The following PLA2G4A variants were observed in gnomAD, a reference collection of about 807,000 sequenced individuals.
PLA2G4A encodes phospholipase A2 group IVA, also known as cytosolic phospholipase A2.
Under a neutral mutation model 81.9 loss-of-function variants are expected in PLA2G4A, and 40 were observed. The ratio of observed to expected loss-of-function variants is 0.49; its 90% CI spans 0.38 to 0.64. PLA2G4A has a LOEUF of 0.64. Among genes scored for constraint, PLA2G4A ranks in the 30% least tolerant of loss-of-function variants. PLA2G4A has a pLI of 0.00. For synonymous variants in PLA2G4A, 302 were observed against 296.9 expected, an observed-to-expected ratio of 1.02 and a Z score of -0.18; for missense variants, 715 against 905.1, an observed-to-expected ratio of 0.79 and a Z score of 2.69.
chr1:186,961,867 G>A (rs1309232743), intron 14 of PLA2G4A, among the ~76,000 whole-genome samples: 1 of 151,992 alleles, frequency 6.6e-6, no homozygotes, highest in African/African-American at 2.4e-5. Flanking sequence ...AGTTTCCTCA[G>A]TTTTAGTTAC....
intron 1 of PLA2G4A, among the ~76,000 whole-genome samples, chr1:186,841,554 T>C (rs1056196150): frequency 6.6e-6 from 1 of 152,192 alleles, no homozygotes; most frequent in Non-Finnish European, 1.5e-5. Context: ...GGTTTATTTA[T>C]ATCTTAAAGC....
Position 186,909,660 on chromosome 1 carries a change from CAAAA to C in PLA2G4A, c.417-1570_417-1567del, listed in dbSNP as rs377504921. On this transcript the variant is annotated intron_variant, in intron 6 of 17. Transcript: ENST00000367466. ...GGGCAACAGGAGCGAAACTCCGTCTCAAAAAAAAAAAAAAAAAAAAAGTTAACTC... is the reference window on the plus strand; with the variant it reads ...GGGCAACAGGAGCGAAACTCCGTCTCAAAAAAAAAAAAAAAAAGTTAACTC... 3.8e-3 allele frequency among the ~76,000 whole-genome samples: 432 copies of C among 112,978 alleles called. 18 individuals are homozygous for C. The South Asian group carries it at 0.078, about 20-fold the overall frequency. The allele number at this position is 112,978 out of a possible 152,430, so 74.1% of individuals were successfully genotyped here.
rs543825391 is a variant in PLA2G4A at position 186,847,043 on chromosome 1, A to G, written c.-69-7243A>G. Among the ~76,000 whole-genome samples the G allele has an allele frequency of 3.3e-5, 5 of 152,132 alleles. No individual in the cohort carries two copies. In the South Asian group the frequency reaches 8.3e-4, roughly 25 times the overall value. ...TATAATTTATTGCTATGTAAATGCT[A>G]TATCTTTTAAAGAATTTGAGAGAAG... On this transcript the variant is annotated intron_variant, in intron 1 of 17. Transcript: ENST00000367466.
At chr1:186,891,816 G>C (rs1472070809) in intron 3 of PLA2G4A, among the ~76,000 whole-genome samples, 1 of 152,116 alleles carries the variant, frequency 6.6e-6, no homozygotes, top group Non-Finnish European at 1.5e-5. Flanking sequence ...TATATACTCA[G>C]CAGTGGGATT....
intron 1 of PLA2G4A, among the ~76,000 whole-genome samples, chr1:186,841,251 G>T (rs1294689983): frequency 6.6e-6 from 1 of 152,120 alleles, no homozygotes. Context: ...GATTCTTTTT[G>T]AGCTTTATTG....
At chr1:186,935,316 G>A (rs866157077) in intron 8 of PLA2G4A, among the ~76,000 whole-genome samples, 2 of 151,500 alleles carry the variant, frequency 1.3e-5, no homozygotes, top group East Asian at 3.9e-4. Context: ...CCTCATAAAA[G>A]CCATCTATTA....
At chr1:186,916,081 A>C (rs1352684759) in intron 7 of PLA2G4A, among the ~76,000 whole-genome samples, 1 of 152,148 alleles carries the variant, frequency 6.6e-6, no homozygotes, top group African/African-American at 2.4e-5. Flanking sequence ...TTGCAAAAAC[A>C]AATTTCTTGT....
At chr1:186,896,829 C>T (rs1417018561) in intron 5 of PLA2G4A, among the ~76,000 whole-genome samples, 6 of 152,056 alleles carry the variant, frequency 3.9e-5, no homozygotes, top group Non-Finnish European at 8.8e-5. Flanking sequence ...GAATGATAAT[C>T]CTTTGAGCTG....
At chr1:186,915,944 A>G (rs1475153391) in intron 7 of PLA2G4A, among the ~76,000 whole-genome samples, 3 of 152,108 alleles carry the variant, frequency 2.0e-5, no homozygotes, top group Non-Finnish European at 4.4e-5. Context: ...TGAGCCAGGA[A>G]TTCATCAGGA....
Position 186,956,274 on chromosome 1 carries a change from A to G in PLA2G4A, c.1509A>G (p.Pro503=), listed in dbSNP as rs141615748. 356 of 1,613,608 alleles carry G rather than the reference A, an allele frequency of 2.2e-4. No homozygotes were observed. The highest frequency in any genetic ancestry group is 7.2e-4 in the Admixed American group (43 of 60,008). ...MLGLNLNTSY[P]LSPLSDFATQ... Reference sequence around the variant, plus strand: ...GCTTGAATCTCAATACATCTTATCCACTGTCTCCTTTGAGTGACTTTGCCA... The same window carrying G: ...GCTTGAATCTCAATACATCTTATCCGCTGTCTCCTTTGAGTGACTTTGCCA... The change falls in exon 14 of 18, where the codon CCA becomes CCG. Residue 503 remains proline (P), a synonymous_variant. Transcript: ENST00000367466.
At chr1:186,876,206 GT>G (rs1441454388) in intron 3 of PLA2G4A, among the ~76,000 whole-genome samples, 1 of 152,048 alleles carries the variant, frequency 6.6e-6, no homozygotes, top group Non-Finnish European at 1.5e-5. Flanking sequence ...AACTATGAAA[GT>G]TTTTTTAACG....
intron 15 of PLA2G4A, among the ~76,000 whole-genome samples, chr1:186,976,592 C>T (rs1299754262): frequency 6.6e-6 from 1 of 152,150 alleles, no homozygotes; most frequent in African/African-American, 2.4e-5. Flanking sequence ...ATGTCCAAGG[C>T]CATGGAGCTT....
intron 5 of PLA2G4A, among the ~76,000 whole-genome samples, chr1:186,903,044 G>A (rs1389380984): frequency 6.6e-6 from 1 of 152,100 alleles, no homozygotes; most frequent in Non-Finnish European, 1.5e-5. Context: ...TCCACATCCT[G>A]TTCCTTCCTT....
rs758656530 is a variant in PLA2G4A, at chr1:186,884,256, CT to C, written c.116-8739del. ...TGAAGGACTACATCTAATCCTCCCC[CT>C]TTTTTTTTTTTTTTTAGTGAAGTGT... On this transcript the variant is annotated intron_variant, in intron 3 of 17. Coordinates refer to ENST00000367466, the MANE Select transcript of PLA2G4A (RefSeq NM_024420.3). 3.5e-3 allele frequency among the ~76,000 whole-genome samples: 476 copies of C among 136,270 alleles called. 1 individual carries two copies. Among genetic ancestry groups the C allele is most frequent in the Non-Finnish European group, 4.1e-3 (259 of 62,642 alleles). 89.4% of individuals were successfully genotyped at this position (136,270 alleles called of 152,430 possible).
intron 16 of PLA2G4A, 145 bp from the exon 17 acceptor site, chr1:186,979,170 C>A (rs185055861): frequency 1.5e-6 from 1 of 689,310 alleles, no homozygotes; most frequent in Non-Finnish European, 2.6e-6. Context: ...CACACAGACA[C>A]GATAAAAGTC....
intron 2 of PLA2G4A, 143 bp downstream of exon 2, chr1:186,854,530 G>A: frequency 1.6e-6 from 1 of 612,616 alleles, no homozygotes; most frequent in Non-Finnish European, 3.0e-6. Context: ...ATAATACAAA[G>A]AGGCTATGGA....
chr1:186,963,353 G>A, intron 14 of PLA2G4A, among the ~76,000 whole-genome samples: 1 of 152,162 alleles, frequency 6.6e-6, no homozygotes, highest in East Asian at 1.9e-4. Context: ...CAGGTTCTGT[G>A]ATAGGTAGTC....
intron 1 of PLA2G4A, among the ~76,000 whole-genome samples, chr1:186,837,745 AAAAAAAAG>A (rs1224298482): frequency 2.0e-5 from 3 of 148,202 alleles, no homozygotes; most frequent in Non-Finnish European, 3.0e-5. Flanking sequence ...TCAAAAAAAA[AAAAAAAAG>A]AAAAAGAAAA....
intron 3 of PLA2G4A, among the ~76,000 whole-genome samples, chr1:186,890,277 T>C (rs557425294): frequency 1.8e-4 from 28 of 152,314 alleles, no homozygotes; most frequent in Admixed American, 6.5e-4. Context: ...GAAGACAAGA[T>C]CTTTGCCCTC....
Sources: allele counts gnomAD v4.1 joint callset (sites outside exome capture counted in the v4.1 genomes callset), GRCh38; gene constraint gnomAD v4.1.1; transcripts MANE v1.5; gene names NCBI Gene and HGNC (gene_info 2026-07-23, HGNC 2026-07-21).